Variants in FAM124B observed in about 807,000 individuals in gnomAD.
The protein encoded by FAM124B is family with sequence similarity 124 member B, also known as protein FAM124B.
A neutral mutation model predicts 19.7 loss-of-function variants in FAM124B; 18 were observed. The observed-to-expected ratio is 0.92, with a 90% CI of 0.63 to 1.36. FAM124B has a LOEUF of 1.36. Among genes scored for constraint, FAM124B ranks in the 40% most tolerant of loss-of-function variants. The pLI, the probability that FAM124B is intolerant of heterozygous loss-of-function variation, is 0.00. For missense variants in FAM124B, 540 were observed against 553.3 expected, an observed-to-expected ratio of 0.98 and a Z score of 0.24; for synonymous variants, 223 against 225.2, an observed-to-expected ratio of 0.99 and a Z score of 0.09.
Position 224,401,734 on chromosome 2 carries a change from A to G in FAM124B, c.35T>C (p.Val12Ala). ...DETQGPLAMTVHLLANSGHGS... is the reference protein window; with the variant it reads ...DETQGPLAMTAHLLANSGHGS... ...GTGCCCAGAGTTGGCAAGAAGATGG[A>G]CAGTCATGGCCAGAGGCCCCTGTGT... is the stretch of plus-strand genomic sequence containing the variant. Residue 12 changes from valine (V) to alanine (A), a missense_variant, in exon 1 of 2, where the codon GTC (valine) becomes GCC (alanine). Physicochemically the swap from Val to Ala is moderately conservative, Grantham distance 64. Transcript: ENST00000409685. The G allele has an allele frequency of 6.2e-7, 1 of 1,613,992 alleles. No homozygotes were observed. Among genetic ancestry groups the G allele is most frequent in the Non-Finnish European group, 8.5e-7 (1 of 1,180,036 alleles).
intron 1 of FAM124B, among the ~76,000 whole-genome samples, chr2:224,393,404 G>C (rs1689919361): frequency 6.6e-6 from 1 of 152,186 alleles, no homozygotes; most frequent in Admixed American, 6.5e-5. Flanking sequence ...TCCTGCCCAG[G>C]TTGCAAGAAT....
chr2:224,392,545 A>G (rs946056860), intron 1 of FAM124B, among the ~76,000 whole-genome samples: 5 of 152,144 alleles, frequency 3.3e-5, no homozygotes, highest in African/African-American at 9.7e-5. Flanking sequence ...ACTTAAGCTC[A>G]GGAGTTTGAG....
In FAM124B at chr2:224,381,318, G is replaced by A. The variant is rs140094276; in HGVS notation, c.733-1110C>T. On this transcript the variant is annotated intron_variant, in intron 1 of 1. Transcript: ENST00000409685. ...CAAAAAATAAAAACATCAGCCAGAC[G>A]TGTGGTCCATACATATAGTCCCAGC... is the stretch of plus-strand genomic sequence containing the variant. 3.2e-3 allele frequency among the ~76,000 whole-genome samples: 481 copies of A among 152,140 alleles called. 5 individuals are homozygous for A. Among genetic ancestry groups the A allele is most frequent in the African/African-American group, 0.011 (443 of 41,484 alleles).
intron 1 of FAM124B, among the ~76,000 whole-genome samples, chr2:224,390,360 G>C (rs1689861731): frequency 6.6e-6 from 1 of 152,030 alleles, no homozygotes; most frequent in African/African-American, 2.4e-5. Flanking sequence ...AATGGCAGGG[G>C]GAGAAGCACC....
At chr2:224,383,249 G>A (rs574228619) in intron 1 of FAM124B, among the ~76,000 whole-genome samples, 10 of 152,278 alleles carry the variant, frequency 6.6e-5, no homozygotes, top group Non-Finnish European at 1.0e-4. Context: ...AATGTGCAGC[G>A]AAGTTTCGGA....
At chr2:224,388,472 A>G (rs1005919060) in intron 1 of FAM124B, among the ~76,000 whole-genome samples, 3 of 152,362 alleles carry the variant, frequency 2.0e-5, no homozygotes, top group Admixed American at 2.0e-4. Flanking sequence ...TCAAACACAA[A>G]GAGACAAATA....
chr2:224,392,615 C>A (rs1396008543), intron 1 of FAM124B, among the ~76,000 whole-genome samples: 2 of 152,002 alleles, frequency 1.3e-5, no homozygotes, highest in Non-Finnish European at 2.9e-5. Context: ...ATTAGCCGGG[C>A]ATGATGGTGC....
intron 1 of FAM124B, among the ~76,000 whole-genome samples, chr2:224,386,563 ATCG>A (rs1689803122): frequency 6.6e-6 from 1 of 152,132 alleles, no homozygotes; most frequent in African/African-American, 2.4e-5. Flanking sequence ...TGTTATTATC[ATCG>A]TCATTAGTAT....
chr2:224,384,751 G>A (rs1689775963), intron 1 of FAM124B, among the ~76,000 whole-genome samples: 2 of 152,152 alleles, frequency 1.3e-5, no homozygotes, highest in Admixed American at 1.3e-4. Context: ...CACTCTCACT[G>A]CTACCGCGAA....
chr2:224,400,274 T>C (rs1425881718), intron 1 of FAM124B: 3 of 485,200 alleles, frequency 6.2e-6, no homozygotes, highest in African/African-American at 1.9e-5. Context: ...AGAATAAAAA[T>C]TAAGTCAATA....
At chr2:224,400,452 G>A in intron 1 of FAM124B, 3 of 697,846 alleles carry the variant, frequency 4.3e-6, no homozygotes, top group Non-Finnish European at 2.6e-6. Flanking sequence ...ACCTCAGGGA[G>A]CTATGATGGC....
chr2:224,400,211 A>T, intron 1 of FAM124B: 1 of 388,954 alleles, frequency 2.6e-6, no homozygotes, highest in Non-Finnish European at 4.6e-6. Context: ...ATACCTGTGT[A>T]ACAAACCTGC....
intron 1 of FAM124B, among the ~76,000 whole-genome samples, chr2:224,383,248 C>T (rs899815029): frequency 6.6e-6 from 1 of 152,146 alleles, no homozygotes; most frequent in East Asian, 1.9e-4. Flanking sequence ...TAATGTGCAG[C>T]GAAGTTTCGG....
chr2:224,384,548 G>A (rs557639325), intron 1 of FAM124B, among the ~76,000 whole-genome samples: 1 of 152,170 alleles, frequency 6.6e-6, no homozygotes, highest in Non-Finnish European at 1.5e-5. Context: ...ATGATGGCGT[G>A]GTTTCCGGCC....
intron 1 of FAM124B, among the ~76,000 whole-genome samples, chr2:224,395,104 A>C (rs1689949961): frequency 6.6e-6 from 1 of 152,170 alleles, no homozygotes; most frequent in Non-Finnish European, 1.5e-5. Flanking sequence ...TGAGAAGATC[A>C]CCAATGCTAA....
intron 1 of FAM124B, among the ~76,000 whole-genome samples, chr2:224,396,388 C>T (rs779932090): frequency 6.6e-6 from 1 of 152,154 alleles, no homozygotes; most frequent in Non-Finnish European, 1.5e-5. Flanking sequence ...CTGGGCATTG[C>T]TACTCAGGAA....
intron 1 of FAM124B, among the ~76,000 whole-genome samples, chr2:224,381,331 A>G (rs7567326): frequency 0.47 from 70,750 of 151,850 alleles, 19,969 homozygotes; most frequent in African/African-American, 0.79. Context: ...TGGTCCATAC[A>G]TATAGTCCCA....
chr2:224,385,701 T>C lies in FAM124B; in HGVS notation c.733-5493A>G, dbSNP rs112726369. Among the ~76,000 whole-genome samples the C allele has an allele frequency of 1.2e-4, 19 of 152,216 alleles. 1 individual carries two copies. Among genetic ancestry groups the C allele is most frequent in the African/African-American group, 4.6e-4 (19 of 41,542 alleles). ...AACTCATCTCCCTCCTCACACCAAGTCTGTTCTGCTTTCTCTTTTCCCTAT... is the reference window on the plus strand; with the variant it reads ...AACTCATCTCCCTCCTCACACCAAGCCTGTTCTGCTTTCTCTTTTCCCTAT... On this transcript the variant is annotated intron_variant, in intron 1 of 1. Coordinates refer to ENST00000409685, the MANE Select transcript of FAM124B (RefSeq NM_001122779.2).
In FAM124B at chr2:224,401,799, C is replaced by A. The variant is rs754106288; in HGVS notation, c.-31G>T. ...AACTGCCTGAGGCTGACAAAGACAG[C>A]GTGTGTAGAAGGCCCACTGTTCAAG... On this transcript the variant is annotated 5_prime_UTR_variant, in exon 1 of 2. Transcript: ENST00000409685. The A allele has an allele frequency of 3.8e-6, 6 of 1,588,302 alleles. No homozygotes were observed. In the South Asian group the frequency reaches 6.8e-5, roughly 18 times the overall value.
Sources: gnomAD v4.1 joint callset for allele counts (sites outside exome capture counted in the v4.1 genomes callset) on GRCh38, gnomAD v4.1.1 for gene constraint, MANE v1.5 for transcripts, NCBI Gene and HGNC (gene_info 2026-07-23, HGNC 2026-07-21) for gene names.